GHR: variants seen among roughly 807,000 people sequenced by gnomAD.
The protein encoded by GHR is GH receptor.
GHR carries 35 observed loss-of-function variants against 67.1 expected under a neutral mutation model. The observed-to-expected ratio is 0.52, with a 90% CI of 0.40 to 0.69. GHR has a LOEUF of 0.69. Among genes scored for constraint, GHR ranks in the 30% least tolerant of loss-of-function variants. The pLI, the probability that GHR is intolerant of heterozygous loss-of-function variation, is 0.00. For synonymous variants in GHR, 272 were observed against 269.1 expected (o/e 1.01, Z -0.10); for missense variants, 792 against 764.6 (o/e 1.04, Z -0.42).
intron 6 of GHR, 73 bp from the exon 7 acceptor site, chr5:42,711,134 G>A (rs4385215): frequency 9.4e-7 from 1 of 1,060,388 alleles, no homozygotes; most frequent in Non-Finnish European, 1.5e-6. Flanking sequence ...AAAAATGGGA[G>A]AATACCTGTA....
At chr5:42,483,746 G>A (rs532543752) in intron 1 of GHR, among the ~76,000 whole-genome samples, 14 of 152,134 alleles carry the variant, frequency 9.2e-5, no homozygotes, top group Admixed American at 1.3e-4. Context: ...TAACATTGTC[G>A]TTAACATAAA....
At chr5:42,670,065 G>A (rs1756195969) in intron 3 of GHR, among the ~76,000 whole-genome samples, 1 of 152,050 alleles carries the variant, frequency 6.6e-6, no homozygotes, top group Middle Eastern at 3.2e-3. Flanking sequence ...AATAGCCAAA[G>A]CAATCTTGAC....
intron 2 of GHR, among the ~76,000 whole-genome samples, chr5:42,594,137 A>G (rs534178394): frequency 6.6e-6 from 1 of 152,182 alleles, no homozygotes; most frequent in Non-Finnish European, 1.5e-5. Flanking sequence ...AATATCTCAT[A>G]TCTATGTATA....
intron 3 of GHR, among the ~76,000 whole-genome samples, chr5:42,650,578 C>CATATATATATATATATATATATATATAT (rs35408817): frequency 2.8e-4 from 36 of 128,810 alleles, no homozygotes; most frequent in African/African-American, 6.7e-4. Context: ...TTACAGATAA[C>CATATATATATATATATATATATATATAT]ATATATATAT....
At chr5:42,653,073 A>G (rs1009373166) in intron 3 of GHR, among the ~76,000 whole-genome samples, 14 of 152,160 alleles carry the variant, frequency 9.2e-5, no homozygotes, top group Non-Finnish European at 1.8e-4. Context: ...GAGCAAGACC[A>G]TATACTAAAA....
chr5:42,687,017 A>G (rs1757189414), intron 3 of GHR, among the ~76,000 whole-genome samples: 1 of 152,208 alleles, frequency 6.6e-6, no homozygotes, highest in African/African-American at 2.4e-5. Flanking sequence ...AATCACAAGC[A>G]TTCCTATACA....
chr5:42,469,878 G>C (rs896893105), intron 1 of GHR, among the ~76,000 whole-genome samples: 18 of 152,018 alleles, frequency 1.2e-4, no homozygotes, highest in African/African-American at 4.1e-4. Context: ...GAAGTTCCTA[G>C]GGACACTTAA....
At chr5:42,669,827 G>A (rs1381002594) in intron 3 of GHR, among the ~76,000 whole-genome samples, 3 of 152,208 alleles carry the variant, frequency 2.0e-5, no homozygotes, top group Non-Finnish European at 4.4e-5. Flanking sequence ...CCAAGGAAGG[G>A]AAATATCTGT....
intron 3 of GHR, among the ~76,000 whole-genome samples, chr5:42,686,949 C>A (rs1309872693): frequency 6.6e-6 from 1 of 152,174 alleles, no homozygotes; most frequent in African/African-American, 2.4e-5. Context: ...AGCCCAAAAT[C>A]TCCTTAAGCT....
At chr5:42,592,106 G>T (rs553176419) in intron 2 of GHR, among the ~76,000 whole-genome samples, 1 of 152,272 alleles carries the variant, frequency 6.6e-6, no homozygotes, top group African/African-American at 2.4e-5. Flanking sequence ...AGGGTCTGTG[G>T]ATTCTCTCAG....
chr5:42,454,997 C>T (rs890927267), intron 1 of GHR, among the ~76,000 whole-genome samples: 1 of 152,048 alleles, frequency 6.6e-6, no homozygotes, highest in Non-Finnish European at 1.5e-5. Flanking sequence ...CCCTGAGGGC[C>T]CCTGTGAGAT....
chr5:42,681,256 A>C (rs947113802), intron 3 of GHR, among the ~76,000 whole-genome samples: 22 of 96,256 alleles, frequency 2.3e-4, no homozygotes, highest in African/African-American at 7.4e-4. Context: ...AACTTCAATA[A>C]ATTTACAAGA....
chr5:42,618,391 T>C (rs1288121615), intron 2 of GHR, among the ~76,000 whole-genome samples: 2 of 152,144 alleles, frequency 1.3e-5, no homozygotes, highest in African/African-American at 4.8e-5. Flanking sequence ...GTAAAATGTA[T>C]GCATTTTTCT....
chr5:42,500,330 C>T (rs184512318), intron 1 of GHR, among the ~76,000 whole-genome samples: 5 of 152,350 alleles, frequency 3.3e-5, no homozygotes, highest in East Asian at 1.9e-4. Flanking sequence ...TCTGTAGCTG[C>T]GGTTAAAACA....
At chr5:42,588,141 ATGCAGATTC>A (rs1200625944) in intron 2 of GHR, among the ~76,000 whole-genome samples, 1 of 152,226 alleles carries the variant, frequency 6.6e-6, no homozygotes, top group Non-Finnish European at 1.5e-5. Context: ...GATCATACTG[ATGCAGATTC>A]TGCAGATGTT....
chr5:42,489,429 G>A (rs142302763), intron 1 of GHR, among the ~76,000 whole-genome samples: 2 of 152,132 alleles, frequency 1.3e-5, no homozygotes, highest in East Asian at 3.9e-4. Flanking sequence ...CATAAATAAT[G>A]AGTGACTGTA....
At chr5:42,515,326 A>G (rs992179723) in intron 1 of GHR, among the ~76,000 whole-genome samples, 1 of 152,226 alleles carries the variant, frequency 6.6e-6, no homozygotes, top group African/African-American at 2.4e-5. Context: ...ATTGTTGTTA[A>G]CATGTTTTTC....
chr5:42,716,481 C>G (rs767038194), intron 8 of GHR, among the ~76,000 whole-genome samples: 1 of 152,088 alleles, frequency 6.6e-6, no homozygotes, highest in African/African-American at 2.4e-5. Context: ...ACGAAAGTGG[C>G]CATAAACAAA....
At chr5:42,536,492 C>A (rs1314868485) in intron 1 of GHR, among the ~76,000 whole-genome samples, 1 of 152,130 alleles carries the variant, frequency 6.6e-6, no homozygotes, top group Non-Finnish European at 1.5e-5. Context: ...GTTAAACCAT[C>A]TCTGTGCCCC....
Sources: allele counts gnomAD v4.1 joint callset (sites outside exome capture counted in the v4.1 genomes callset), GRCh38; gene constraint gnomAD v4.1.1; transcripts MANE v1.5; gene names NCBI Gene and HGNC (gene_info 2026-07-23, HGNC 2026-07-21).